The following PAX2 variants were observed in gnomAD, a reference collection of about 807,000 sequenced individuals.
PAX2 encodes the protein paired box protein Pax-2.
In PAX2, 9 loss-of-function variants were observed where a neutral mutation model predicts 41.7. The observed-to-expected ratio is 0.22, with a 90% CI of 0.13 to 0.38. PAX2 has a LOEUF of 0.38. Ranked by LOEUF, PAX2 falls within the 10% of genes least tolerant of loss-of-function variation. PAX2 has a pLI of 1.00. For missense variants in PAX2, 418 were observed against 531.6 expected (o/e 0.79, Z 2.10); for synonymous variants, 221 against 212.7 (o/e 1.04, Z -0.34).
exon 1 of PAX2, chr10:100,735,634 G>C (rs1844760385): frequency 9.6e-7 from 1 of 1,046,682 alleles, no homozygotes. Flanking sequence ...GCGAAGGCGA[G>C]ACGCGTTGTC....
At chr10:100,796,564 T>C (rs1374304521) in intron 5 of PAX2, among the ~76,000 whole-genome samples, 2 of 152,174 alleles carry the variant, frequency 1.3e-5, no homozygotes, top group Non-Finnish European at 2.9e-5. Flanking sequence ...GGTTGATTAT[T>C]TGAGCTTATA....
intron 3 of PAX2, among the ~76,000 whole-genome samples, chr10:100,772,087 G>A (rs2133879467): frequency 6.6e-6 from 1 of 151,114 alleles, no homozygotes; most frequent in African/African-American, 2.4e-5. Flanking sequence ...TTACAGGCGT[G>A]AGCCACTGTG....
intron 5 of PAX2, among the ~76,000 whole-genome samples, chr10:100,799,299 C>T (rs1222738513): frequency 6.6e-6 from 1 of 152,200 alleles, no homozygotes; most frequent in East Asian, 1.9e-4. Context: ...TTTCTGCCTG[C>T]GGATGAAGAC....
rs1278760898 is a variant in PAX2, at chr10:100,750,939, C to T, written c.410+48C>T. On this transcript the variant is annotated intron_variant, in intron 3 of 9. Coordinates refer to ENST00000355243, the MANE Select transcript of PAX2 (RefSeq NM_000278.5). The surrounding 1 kb of genome is among the most constrained non-coding windows in gnomAD (Gnocchi z 4.1). The stretch of plus-strand genomic sequence containing the variant: ...CAGGGCTGGACTCCAGCTCCTGGCT[C>T]CTGCCTGCAGGGGTGTCCCACGCCC... The T allele has an allele frequency of 3.4e-6, 5 of 1,456,942 alleles. No individual in the cohort carries two copies. The highest frequency in any genetic ancestry group is 3.8e-6 in the Non-Finnish European group (4 of 1,039,094). 90.3% of individuals were successfully genotyped at this position (1,456,942 alleles called of 1,614,324 possible).
In PAX2 at chr10:100,828,934, C is replaced by CCCCCCCCCAGG; in HGVS notation, c.*1315_*1316insCCCCCCCCAGG. The CCCCCCCCCAGG allele has an allele frequency of 4.5e-6, 1 of 221,620 alleles. No individual in the cohort carries two copies. The highest frequency in any genetic ancestry group is 9.0e-6 in the Non-Finnish European group (1 of 110,730). The allele number at this position is 221,620 out of a possible 1,614,324, so 13.7% of individuals were successfully genotyped here. On this transcript the variant is annotated 3_prime_UTR_variant, in exon 10 of 10. Coordinates refer to ENST00000355243, the MANE Select transcript of PAX2 (RefSeq NM_000278.5). The surrounding 1 kb of genome is among the most constrained non-coding windows in gnomAD (Gnocchi z 6.5). The stretch of plus-strand genomic sequence containing the variant: ...CCCTCCCCCTCCGCCCCGCCCCGCC[C>CCCCCCCCCAGG]GGCCCCGTAGAGTCCCTGTCGCCCG...
chr10:100,753,148 A>G (rs1845502197), intron 3 of PAX2, among the ~76,000 whole-genome samples: 2 of 152,172 alleles, frequency 1.3e-5, no homozygotes, highest in Admixed American at 6.5e-5. Context: ...GCCACCAACA[A>G]CACGGGCAGC....
chr10:100,772,563 CCAGCTAGT>C (rs1319650474), intron 3 of PAX2, among the ~76,000 whole-genome samples: 2 of 152,166 alleles, frequency 1.3e-5, no homozygotes, highest in East Asian at 3.8e-4. Context: ...GGCAATGGGG[CCAGCTAGT>C]CTGGCACATT....
At chr10:100,765,916 TATCATCATCATCATCATC>T (rs35255034) in intron 3 of PAX2, among the ~76,000 whole-genome samples, 24 of 151,024 alleles carry the variant, frequency 1.6e-4, no homozygotes, top group African/African-American at 5.1e-4. Flanking sequence ...CCTTTATATT[TATCATCATCATCATCATC>T]ATCATCATCA....
At position 100,826,952 on chromosome 10, in the gene PAX2, C is replaced by T; in HGVS notation, c.1022-57C>T. The T allele has an allele frequency of 5.7e-6, 7 of 1,229,418 alleles. No individual in the cohort carries two copies. The highest frequency in any genetic ancestry group is 8.4e-6 in the Non-Finnish European group (7 of 834,420). The allele number at this position is 1,229,418 out of a possible 1,614,324, so 76.2% of individuals were successfully genotyped here. ...GGGCGGAGAAGCCACCGGCCGGACTCGTGGGGTCCGCCCTGGCTTGCAGGC... is the reference window on the plus strand; with the variant it reads ...GGGCGGAGAAGCCACCGGCCGGACTTGTGGGGTCCGCCCTGGCTTGCAGGC... On this transcript the variant is annotated intron_variant, in intron 8 of 9. Coordinates refer to ENST00000355243, the MANE Select transcript of PAX2 (RefSeq NM_000278.5). This position sits in a 1 kb window ranked among gnomAD's most constrained non-coding sequence, Gnocchi z 5.5.
At chr10:100,788,128 A>G (rs1846946928) in intron 5 of PAX2, among the ~76,000 whole-genome samples, 1 of 152,174 alleles carries the variant, frequency 6.6e-6, no homozygotes. Context: ...TCTCACATGG[A>G]TGTGCAAGCA....
chr10:100,777,945 T>G (rs529637101), intron 3 of PAX2, among the ~76,000 whole-genome samples: 1 of 152,352 alleles, frequency 6.6e-6, no homozygotes, highest in East Asian at 1.9e-4. Flanking sequence ...TCATTCTGGC[T>G]GACCACTCTG....
intron 1 of PAX2, chr10:100,747,920 CTGCCCGCGGGCAGCCACT>C (rs1435493090): frequency 1.0e-6 from 1 of 980,926 alleles, no homozygotes; most frequent in Non-Finnish European, 1.2e-6. Flanking sequence ...CGAGTCCTGG[CTGCCCGCGGGCAGCCACT>C]TTGAAACCCA....
In PAX2 at chr10:100,753,929, G is replaced by A. The variant is rs575591575; in HGVS notation, c.410+3038G>A. Among the ~76,000 whole-genome samples the A allele has an allele frequency of 4.6e-5, 7 of 152,288 alleles. No homozygotes were observed. The South Asian group carries it at 1.2e-3, about 27-fold the overall frequency. ...AGGCCTCCCCACTGCCACAAACCAC[G>A]TTCAAAAATCCCAAGGCTTGACTGG... On this transcript the variant is annotated intron_variant, in intron 3 of 9. Transcript: ENST00000355243.
chr10:100,782,587 G>T (rs1053674302), intron 5 of PAX2, among the ~76,000 whole-genome samples: 3 of 152,258 alleles, frequency 2.0e-5, no homozygotes, highest in African/African-American at 7.2e-5. Flanking sequence ...TGGAGGGGAG[G>T]CCTAGGCCTG....
rs765981059 is a variant in PAX2 at position 100,824,666 on chromosome 10, C to T, written c.938C>T (p.Thr313Ile). 2 of 1,609,548 alleles carry T rather than the reference C, an allele frequency of 1.2e-6. No homozygotes were observed. The highest frequency in any genetic ancestry group is 4.5e-5 in the East Asian group (2 of 44,852). The change falls in exon 8 of 10, where the codon ACC becomes ATC. Residue 313 changes from threonine (T) to isoleucine (I), a missense_variant. By Grantham distance (89) the Thr-to-Ile change is moderately conservative. This residue lies in a region of PAX2 where 310 missense variants were observed against 325.2 expected (regional missense o/e 0.95). Transcript: ENST00000355243. This position sits in a 1 kb window ranked among gnomAD's most constrained non-coding sequence, Gnocchi z 6.6. ...TTTCCAGGTCGTGACATGGCGAGCA[C>T]CACTCTGCCTGGTTACCCCCCTCAC... ...PVVTGRDMAS[T>I]TLPGYPPHVP...
Position 100,829,195 on chromosome 10 carries a change from G to A in PAX2, c.*1576G>A, listed in dbSNP as rs1021604712. 3 of 232,404 alleles carry A rather than the reference G, an allele frequency of 1.3e-5. No homozygotes were observed. Among genetic ancestry groups the A allele is most frequent in the Non-Finnish European group, 2.6e-5 (3 of 117,450 alleles). The allele number at this position is 232,404 out of a possible 1,614,324, so 14.4% of individuals were successfully genotyped here. On this transcript the variant is annotated 3_prime_UTR_variant, in exon 10 of 10. Coordinates refer to ENST00000355243, the MANE Select transcript of PAX2 (RefSeq NM_000278.5). ...TTGTTGGCTCTTTCTCTGTAATTCC[G>A]TGTTTTCGCTTTTTCCTCCCTGCCC...
chr10:100,763,937 G>C (rs1032866877), intron 3 of PAX2, among the ~76,000 whole-genome samples: 1 of 152,156 alleles, frequency 6.6e-6, no homozygotes, highest in Non-Finnish European at 1.5e-5. Context: ...GGGGATAATT[G>C]TGTAGGTCTC....
intron 1 of PAX2, chr10:100,749,074 T>C (rs1845329496): frequency 2.4e-5 from 24 of 984,982 alleles, no homozygotes; most frequent in Non-Finnish European, 2.5e-5. Flanking sequence ...ACTAAGGAGG[T>C]GAAAGAGAGA....
At chr10:100,800,701 A>G (rs913538664) in intron 5 of PAX2, among the ~76,000 whole-genome samples, 7 of 152,000 alleles carry the variant, frequency 4.6e-5, no homozygotes, top group Admixed American at 3.3e-4. Context: ...GCTGCTGAGA[A>G]CCCACTGGAC....
Sources: allele counts gnomAD v4.1 joint callset (sites outside exome capture counted in the v4.1 genomes callset), GRCh38; gene constraint gnomAD v4.1.1; regional missense constraint gnomAD v4.1.1; non-coding constraint Gnocchi (gnomAD v3.1); transcripts MANE v1.5; gene names NCBI Gene and HGNC (gene_info 2026-07-23, HGNC 2026-07-21).